PFKP: variants seen among roughly 807,000 people sequenced by gnomAD.
PFKP encodes phosphofructokinase, platelet, also known as ATP-dependent 6-phosphofructokinase, platelet type.
In PFKP, 101 loss-of-function variants were observed where a neutral mutation model predicts 94.3. That is an observed-to-expected ratio of 1.07 (90% CI 0.91 to 1.26). The LOEUF is 1.26. Ranked by LOEUF, PFKP falls within the 50% of genes most tolerant of loss-of-function variation. PFKP has a pLI of 0.00. For synonymous variants in PFKP, 573 were observed against 432.6 expected (o/e 1.32, Z -4.03); for missense variants, 1,145 against 1,103.3 (o/e 1.04, Z -0.53).
At chr10:3,131,508 G>T (rs180990136) in intron 17 of PFKP, among the ~76,000 whole-genome samples, 1 of 152,130 alleles carries the variant, frequency 6.6e-6, no homozygotes, top group African/African-American at 2.4e-5. Flanking sequence ...CCAGGCTGGA[G>T]TGTAGTGGCA....
Position 3,101,427 on chromosome 10 carries a change from G to A in PFKP, c.327G>A (p.Lys109=), listed in dbSNP as rs752413606. The change falls in exon 4 of 22, where the codon AAG becomes AAA. Residue 109 remains lysine, a synonymous_variant. Transcript: ENST00000381125. ...TCCGCACGCGGGAAGGCCGCCTGAA[G>A]GCTGCTTGCAACCTGCTGCAGCGCG... is the stretch of plus-strand genomic sequence containing the variant. ...QAFRTREGRL[K]AACNLLQRGI... The A allele has an allele frequency of 1.1e-5, 17 of 1,608,346 alleles. No individual in the cohort carries two copies. In the South Asian group the frequency reaches 1.7e-4, roughly 16 times the overall value.
At chr10:3,084,573 A>G (rs575359544) in intron 2 of PFKP, among the ~76,000 whole-genome samples, 36 of 152,040 alleles carry the variant, frequency 2.4e-4, no homozygotes, top group African/African-American at 8.7e-4. Flanking sequence ...ATCATTTTAT[A>G]TTTGGGTGTT....
intron 16 of PFKP, among the ~76,000 whole-genome samples, chr10:3,127,868 G>A (rs1435717055): frequency 6.6e-6 from 1 of 152,248 alleles, no homozygotes; most frequent in Non-Finnish European, 1.5e-5. Flanking sequence ...AAAGAAACTG[G>A]AAATACAGTT....
intron 16 of PFKP, among the ~76,000 whole-genome samples, chr10:3,123,662 C>A (rs35671672): frequency 0.67 from 101,980 of 151,814 alleles, 34,572 homozygotes; most frequent in South Asian, 0.75. Context: ...GGGTATTCCA[C>A]AGTAAAGTGA....
intron 17 of PFKP, among the ~76,000 whole-genome samples, chr10:3,130,551 A>C (rs929833731): frequency 3.3e-5 from 5 of 152,066 alleles, no homozygotes; most frequent in Non-Finnish European, 5.9e-5. Flanking sequence ...TGGCAGATAA[A>C]ATGCAACTTG....
intron 3 of PFKP, among the ~76,000 whole-genome samples, chr10:3,099,894 CTGTG>C (rs142576165): frequency 2.9e-5 from 4 of 138,312 alleles, no homozygotes; most frequent in South Asian, 2.4e-4. Context: ...GTGTGTGTAA[CTGTG>C]TGAGTCTGGT....
At chr10:3,110,657 G>C (rs1015256568) in intron 10 of PFKP, among the ~76,000 whole-genome samples, 3 of 152,118 alleles carry the variant, frequency 2.0e-5, no homozygotes, top group African/African-American at 4.8e-5. Flanking sequence ...AAGCCCAAGG[G>C]AGAAAATAGT....
At chr10:3,121,838 T>G (rs1289830981) in intron 16 of PFKP, among the ~76,000 whole-genome samples, 6 of 103,712 alleles carry the variant, frequency 5.8e-5, no homozygotes, top group East Asian at 3.1e-4. Context: ...TTTCTTTTTT[T>G]GGAGACAGGG....
At chr10:3,086,972 G>T (rs1404349118) in intron 2 of PFKP, among the ~76,000 whole-genome samples, 1 of 150,036 alleles carries the variant, frequency 6.7e-6, no homozygotes, top group African/African-American at 2.5e-5. Context: ...GGCTTTCTCT[G>T]ATGTTTGTTT....
chr10:3,068,811 G>C (rs1006378566), intron 1 of PFKP: 59 of 537,914 alleles, frequency 1.1e-4, no homozygotes, highest in African/African-American at 1.0e-3. Context: ...GAGACGCGGC[G>C]CGCCCCGAGC....
At chr10:3,130,554 G>GA in intron 17 of PFKP, among the ~76,000 whole-genome samples, 1 of 152,136 alleles carries the variant, frequency 6.6e-6, no homozygotes, top group African/African-American at 2.4e-5. Flanking sequence ...CAGATAAAAT[G>GA]CAACTTGAAC....
intron 1 of PFKP, among the ~76,000 whole-genome samples, chr10:3,069,995 G>A (rs1464131943): frequency 6.6e-6 from 1 of 152,226 alleles, no homozygotes; most frequent in Non-Finnish European, 1.5e-5. Context: ...GGGGAACGCG[G>A]CTTGGTTGCT....
At chr10:3,134,375 G>A in intron 19 of PFKP, 108 bp from the exon 20 acceptor site, 1 of 724,402 alleles carries the variant, frequency 1.4e-6, no homozygotes, top group East Asian at 2.5e-5. Context: ...CAACTATAAG[G>A]ACCTAGAAAT....
rs544463698 is a variant in PFKP at position 3,086,280 on chromosome 10, C to CT, written c.186+3820dup. ...TTAGTTCCCTCACAGAAGTGGCGGC[C>CT]TGAACACTCACAGGGACTCTGGGTG... is the stretch of plus-strand genomic sequence containing the variant. On this transcript the variant is annotated intron_variant, in intron 2 of 21. Transcript: ENST00000381125. 6.4e-3 allele frequency among the ~76,000 whole-genome samples: 977 copies of CT among 152,310 alleles called. 5 individuals are homozygous for CT. The highest frequency in any genetic ancestry group is 9.9e-3 in the Non-Finnish European group (670 of 68,018).
At position 3,135,517 on chromosome 10, in the gene PFKP, G is replaced by C. The variant is rs578217872; in HGVS notation, c.2123-219G>C. On this transcript the variant is annotated intron_variant, in intron 20 of 21. Coordinates refer to ENST00000381125, the MANE Select transcript of PFKP (RefSeq NM_002627.5). ...TCTCCACTGGGAGGAAAAAACAAAA[G>C]CTGCTTTCCAGGAAGCCCTCGGGGC... Among the ~76,000 whole-genome samples, 27 of 152,318 alleles carry C rather than the reference G, an allele frequency of 1.8e-4. No individual in the cohort carries two copies. The East Asian group carries it at 4.3e-3, about 24-fold the overall frequency.
chr10:3,105,221 C>T (rs1278675103), intron 6 of PFKP, 62 bp downstream of exon 6: 7 of 1,476,144 alleles, frequency 4.7e-6, no homozygotes, highest in Middle Eastern at 1.7e-4. Flanking sequence ...GCATCATCTC[C>T]CTGAGGCTGC....
rs1003975923 is a variant in PFKP at position 3,109,290 on chromosome 10, TAGG to T, written c.964-61_964-59del. Reference sequence around the variant, plus strand: ...GAGGTCATTGGACGTCATGGAAAGATAGGAGGTGACAGGGACAGGGCAGGACGG... The same window carrying T: ...GAGGTCATTGGACGTCATGGAAAGATAGGTGACAGGGACAGGGCAGGACGG... On this transcript the variant is annotated intron_variant, in intron 9 of 21. Coordinates refer to ENST00000381125, the MANE Select transcript of PFKP (RefSeq NM_002627.5). The T allele has an allele frequency of 7.5e-6, 12 of 1,595,514 alleles. No individual in the cohort carries two copies. The African/African-American group carries it at 9.4e-5, about 12-fold the overall frequency.
rs143563000 is a variant in PFKP at position 3,136,611 on chromosome 10, C to T, written c.*32C>T. 1.2e-3 allele frequency: 1,944 copies of T among 1,606,830 alleles called. 12 individuals are homozygous for T. The highest frequency in any genetic ancestry group is 7.8e-3 in the Admixed American group (463 of 59,628). Reference sequence around the variant, plus strand: ...CCCGCCTGCATGTGCCTGCAGCCACCGTGGACTGTCTGTTTTTGTAACACT... The same window carrying T: ...CCCGCCTGCATGTGCCTGCAGCCACTGTGGACTGTCTGTTTTTGTAACACT... On this transcript the variant is annotated 3_prime_UTR_variant, in exon 22 of 22. Transcript: ENST00000381125.
chr10:3,132,550 G>C, intron 18 of PFKP, 109 bp downstream of exon 18: 1 of 777,042 alleles, frequency 1.3e-6, no homozygotes, highest in Non-Finnish European at 2.3e-6. Context: ...TGCCGCTAGA[G>C]TGCACTACAC....
Sources: allele counts gnomAD v4.1 joint callset (sites outside exome capture counted in the v4.1 genomes callset), GRCh38; gene constraint gnomAD v4.1.1; transcripts MANE v1.5; gene names NCBI Gene and HGNC (gene_info 2026-07-23, HGNC 2026-07-21).